Variants in KAZN observed in about 807,000 individuals in gnomAD.
KAZN encodes kazrin.
A neutral mutation model predicts 87.4 loss-of-function variants in KAZN; 40 were observed. The observed-to-expected ratio is 0.46, with a 90% confidence interval of 0.36 to 0.60. KAZN has a LOEUF of 0.60. Ranked by LOEUF, KAZN falls within the 20% of genes least tolerant of loss-of-function variation. The pLI is 0.00. For missense variants in KAZN, 898 were observed against 1,073.9 expected (o/e 0.84, Z 2.29); for synonymous variants, 466 against 458.3 (o/e 1.02, Z -0.22).
intron 1 of KAZN, among the ~76,000 whole-genome samples, chr1:14,719,629 A>G (rs1642988676): frequency 6.6e-6 from 1 of 152,258 alleles, no homozygotes; most frequent in African/African-American, 2.4e-5. Flanking sequence ...ACCTGAGGTC[A>G]GGAGTTTGAG....
At chr1:14,137,263 T>C (rs966317845) in intron 1 of KAZN, among the ~76,000 whole-genome samples, 9 of 152,152 alleles carry the variant, frequency 5.9e-5, no homozygotes, top group Non-Finnish European at 1.3e-4. Context: ...TGCCTTCTGG[T>C]CTTCAAAGCA....
chr1:14,991,707 T>C (rs1667377669), intron 2 of KAZN, among the ~76,000 whole-genome samples: 1 of 152,152 alleles, frequency 6.6e-6, no homozygotes, highest in Admixed American at 6.5e-5. Context: ...CCCAGGGGGA[T>C]TGGAGCACAG....
At chr1:14,896,343 G>A (rs1360649380) in intron 1 of KAZN, among the ~76,000 whole-genome samples, 1 of 152,194 alleles carries the variant, frequency 6.6e-6, no homozygotes, top group African/African-American at 2.4e-5. Context: ...GTGAGCCACT[G>A]CGCCCAGCCA....
At chr1:14,644,165 C>A (rs1256093008) in intron 1 of KAZN, among the ~76,000 whole-genome samples, 1 of 151,658 alleles carries the variant, frequency 6.6e-6, no homozygotes, top group African/African-American at 2.4e-5. Context: ...GTGCCCACCA[C>A]CACGCCCAGC....
At chr1:14,307,913 C>T (rs946300979) in intron 2 of KAZN, among the ~76,000 whole-genome samples, 1 of 152,312 alleles carries the variant, frequency 6.6e-6, no homozygotes, top group African/African-American at 2.4e-5. Flanking sequence ...AAGCCAACAT[C>T]ATCAATATTG....
At chr1:14,476,640 T>C (rs903367143) in intron 2 of KAZN, among the ~76,000 whole-genome samples, 6 of 152,196 alleles carry the variant, frequency 3.9e-5, no homozygotes, top group African/African-American at 1.4e-4. Flanking sequence ...ATCAATGCAA[T>C]CCAGATATTA....
At chr1:14,244,950 T>G (rs1359117218) in intron 2 of KAZN, among the ~76,000 whole-genome samples, 1 of 152,046 alleles carries the variant, frequency 6.6e-6, no homozygotes, top group Non-Finnish European at 1.5e-5. Context: ...TTAGTTTTTC[T>G]GGGATTTTGT....
chr1:14,847,046 G>A (rs1648862865), intron 1 of KAZN, among the ~76,000 whole-genome samples: 1 of 152,172 alleles, frequency 6.6e-6, no homozygotes, highest in Admixed American at 6.5e-5. Flanking sequence ...AAAGTGGGTA[G>A]TGATTTTTTT....
intron 1 of KAZN, among the ~76,000 whole-genome samples, chr1:14,715,193 G>A (rs774483686): frequency 3.3e-5 from 5 of 152,148 alleles, no homozygotes; most frequent in African/African-American, 7.2e-5. Flanking sequence ...TGGCTGAGAC[G>A]CCCTGGCTAG....
intron 8 of KAZN, among the ~76,000 whole-genome samples, chr1:15,076,320 G>C (rs1041687573): frequency 1.3e-5 from 2 of 152,188 alleles, no homozygotes; most frequent in African/African-American, 4.8e-5. Flanking sequence ...CTTAGTGACA[G>C]CCTGAGCCCA....
At chr1:15,092,072 G>T (rs201340982) in intron 8 of KAZN, among the ~76,000 whole-genome samples, 401 of 79,336 alleles carry the variant, frequency 5.1e-3, no homozygotes, top group East Asian at 0.015. Flanking sequence ...TTTTTTTTTT[G>T]ATTTTTTTTT....
At chr1:14,272,782 C>G (rs567689043) in intron 2 of KAZN, among the ~76,000 whole-genome samples, 1 of 152,042 alleles carries the variant, frequency 6.6e-6, no homozygotes, top group African/African-American at 2.4e-5. Context: ...CACTTGAACC[C>G]GGGAGGTGGA....
intron 2 of KAZN, among the ~76,000 whole-genome samples, chr1:14,277,816 A>C (rs1652502797): frequency 6.6e-6 from 1 of 152,118 alleles, no homozygotes; most frequent in Non-Finnish European, 1.5e-5. Context: ...ATTCCTGGAT[A>C]TTATATCATT....
intron 1 of KAZN, among the ~76,000 whole-genome samples, chr1:14,057,775 T>A (rs1425253940): frequency 6.6e-6 from 1 of 152,218 alleles, no homozygotes; most frequent in Non-Finnish European, 1.5e-5. Context: ...ACTGAGTGAT[T>A]CTTCCAAAAT....
chr1:14,175,395 G>A (rs1408180888), intron 1 of KAZN, among the ~76,000 whole-genome samples: 4 of 152,220 alleles, frequency 2.6e-5, no homozygotes, highest in Non-Finnish European at 5.9e-5. Context: ...GAGCCACCGC[G>A]CCGGGCCCAC....
At chr1:14,636,343 T>A (rs1016449423) in intron 1 of KAZN, among the ~76,000 whole-genome samples, 6 of 152,186 alleles carry the variant, frequency 3.9e-5, no homozygotes, top group Non-Finnish European at 7.3e-5. Flanking sequence ...TGGTGGAGAA[T>A]AACTTGGATT....
chr1:14,587,736 C>T (rs1046493660), intron 2 of KAZN, among the ~76,000 whole-genome samples: 1 of 152,020 alleles, frequency 6.6e-6, no homozygotes, highest in Non-Finnish European at 1.5e-5. Flanking sequence ...AGACATCGGC[C>T]GCCATGATCC....
intron 1 of KAZN, among the ~76,000 whole-genome samples, chr1:14,099,749 G>A (rs906906883): frequency 6.6e-6 from 1 of 152,166 alleles, no homozygotes; most frequent in Non-Finnish European, 1.5e-5. Context: ...CCTTTTAAAA[G>A]TGGCCGCTTT....
intron 1 of KAZN, among the ~76,000 whole-genome samples, chr1:14,794,544 G>C (rs74833109): frequency 1.3e-5 from 2 of 152,180 alleles, no homozygotes; most frequent in Non-Finnish European, 2.9e-5. Context: ...AGGAGGCAGC[G>C]GGGAGGCTGG....
Sources: gnomAD v4.1 joint callset for allele counts (sites outside exome capture counted in the v4.1 genomes callset) on GRCh38, gnomAD v4.1.1 for gene constraint, MANE v1.5 for transcripts, NCBI Gene and HGNC (gene_info 2026-07-23, HGNC 2026-07-21) for gene names.